The following ERICH1 variants were observed in gnomAD, a reference collection of about 807,000 sequenced individuals.
The protein encoded by ERICH1 is glutamate-rich protein 1.
A neutral mutation model predicts 39.6 loss-of-function variants in ERICH1; 56 were observed. The ratio of observed to expected loss-of-function variants is 1.41; its 90% confidence interval spans 1.14 to 1.77. The LOEUF (loss-of-function observed/expected upper bound fraction) is 1.77, where lower values mean the gene tolerates loss of function less well. Ranked by LOEUF, ERICH1 falls within the 40% of genes most tolerant of loss-of-function variation. The probability of loss-of-function intolerance (pLI) is 0.00; values close to 1 mark genes in which losing one functional copy is unlikely to be tolerated. For synonymous variants in ERICH1, 313 were observed against 223.6 expected, an observed-to-expected ratio of 1.40 and a Z score of -3.57; for missense variants, 826 against 575.4, an observed-to-expected ratio of 1.44 and a Z score of -4.45.
At chr8:622,771 A>G (rs535111952) in intron 3 of ERICH1, among the ~76,000 whole-genome samples, 1 of 152,110 alleles carries the variant, frequency 6.6e-6, no homozygotes, top group South Asian at 2.1e-4. Flanking sequence ...TTGGCAACAT[A>G]GTGAGACCGT....
intron 3 of ERICH1, among the ~76,000 whole-genome samples, chr8:622,983 T>TAAATAAATAAATAAATAAAA (rs1563161595): frequency 1.3e-5 from 2 of 151,160 alleles, no homozygotes; most frequent in East Asian, 1.9e-4. Flanking sequence ...AATAAATAAA[T>TAAATAAATAAATAAATAAAA]AAAACATCAA....
intron 1 of ERICH1, among the ~76,000 whole-genome samples, chr8:716,435 G>A (rs970355841): frequency 2.6e-5 from 4 of 152,250 alleles, no homozygotes; most frequent in African/African-American, 7.2e-5. Context: ...TGAGTGAATG[G>A]AGCAGGTCTG....
intron 5 of ERICH1, among the ~76,000 whole-genome samples, chr8:665,233 C>T (rs1362674693): frequency 6.6e-6 from 1 of 152,192 alleles, no homozygotes; most frequent in Non-Finnish European, 1.5e-5. Context: ...ACGGCAGGGA[C>T]ATGGCTCCGA....
rs559567912 is a variant in ERICH1 at position 664,753 on chromosome 8, C to T, written c.1259-77G>A. On this transcript the variant is annotated intron_variant, in intron 5 of 5. Coordinates refer to ENST00000262109, the MANE Select transcript of ERICH1 (RefSeq NM_207332.3). ...ATCATAAGTTATTATTATGTAGACA[C>T]GAGCCTTTGGGCCCAAAGTGAACTC... The T allele has an allele frequency of 5.2e-5, 66 of 1,259,520 alleles. No individual in the cohort carries two copies. In the African/African-American group the frequency reaches 8.5e-4, roughly 16 times the overall value. The allele number at this position is 1,259,520 out of a possible 1,614,324, so 78.0% of individuals were successfully genotyped here. A position where few individuals can be genotyped will look rare whatever the true frequency, so the allele number is the denominator to read the frequency against.
At position 664,592 on chromosome 8, in the gene ERICH1, G is replaced by C. The variant is rs186841311; in HGVS notation, c.*11C>G. 340 of 1,604,124 alleles carry C rather than the reference G, an allele frequency of 2.1e-4. 1 individual carries two copies. The African/African-American group carries it at 4.1e-3, about 19-fold the overall frequency. On this transcript the variant is annotated 3_prime_UTR_variant, in exon 6 of 6. Coordinates refer to ENST00000262109, the MANE Select transcript of ERICH1 (RefSeq NM_207332.3). Reference sequence around the variant, plus strand: ...GTTAAAGAGGAGCTGTTCTTAAAGAGATATTCCATTTTAGTCACTGCTCTT... The same window carrying C: ...GTTAAAGAGGAGCTGTTCTTAAAGACATATTCCATTTTAGTCACTGCTCTT...
intron 3 of ERICH1, chr8:625,767 G>C (rs561351936): frequency 6.6e-5 from 10 of 152,212 alleles, no homozygotes; most frequent in Non-Finnish European, 1.3e-4. Context: ...TGTCTCAAGT[G>C]TTCCGTCGTT....
At chr8:718,309 G>A (rs1050407214) in intron 1 of ERICH1, among the ~76,000 whole-genome samples, 2 of 152,090 alleles carry the variant, frequency 1.3e-5, no homozygotes, top group Non-Finnish European at 2.9e-5. Context: ...CCCAGGTCAC[G>A]GTCTTTCAAG....
chr8:668,569 G>C (rs1203570010), intron 5 of ERICH1, 29 bp downstream of exon 5: 1 of 1,613,284 alleles, frequency 6.2e-7, no homozygotes, highest in Non-Finnish European at 8.5e-7. Flanking sequence ...ATCTTAAGCA[G>C]GACCTTGAAT....
intron 5 of ERICH1, 108 bp downstream of exon 5, chr8:668,490 G>A: frequency 9.1e-7 from 1 of 1,104,478 alleles, no homozygotes. Flanking sequence ...TATGTGCAGT[G>A]TCATATTTTC....
chr8:727,607 T>G (rs1045338537), intron 1 of ERICH1, among the ~76,000 whole-genome samples: 1 of 152,182 alleles, frequency 6.6e-6, no homozygotes, highest in Non-Finnish European at 1.5e-5. Flanking sequence ...AAGAATGGAT[T>G]CTTATTAAAA....
At chr8:658,567 C>T (rs369616175) in intron 3 of ERICH1, among the ~76,000 whole-genome samples, 19 of 152,306 alleles carry the variant, frequency 1.2e-4, no homozygotes, top group African/African-American at 3.6e-4. Flanking sequence ...GAACTATCCG[C>T]GGCCCACGTC....
chr8:691,997 C>T lies in ERICH1; in HGVS notation c.304+481G>A, dbSNP rs141176818. Among the ~76,000 whole-genome samples, 600 of 152,258 alleles carry T rather than the reference C, an allele frequency of 3.9e-3. 8 individuals carry two copies. The highest frequency in any genetic ancestry group is 0.013 in the African/African-American group (523 of 41,550). ...AGAGAATATTGTATATTCTTTCATT[C>T]GTACGACATGCAACAACAATAGGAA... On this transcript the variant is annotated intron_variant, in intron 3 of 5. Coordinates refer to ENST00000262109, the MANE Select transcript of ERICH1 (RefSeq NM_207332.3).
intron 3 of ERICH1, among the ~76,000 whole-genome samples, chr8:642,789 G>A (rs1175355297): frequency 3.9e-5 from 6 of 152,136 alleles, no homozygotes; most frequent in Admixed American, 2.0e-4. Flanking sequence ...GTGTGAGTGA[G>A]CCGATGTGTG....
intron 3 of ERICH1, among the ~76,000 whole-genome samples, chr8:624,717 T>C (rs1452575060): frequency 6.6e-6 from 1 of 151,366 alleles, no homozygotes; most frequent in Non-Finnish European, 1.5e-5. Flanking sequence ...TTTTATATTT[T>C]TTATTTTTAT....
chr8:720,174 A>G (rs985546246), intron 1 of ERICH1, among the ~76,000 whole-genome samples: 2 of 152,248 alleles, frequency 1.3e-5, no homozygotes, highest in African/African-American at 4.8e-5. Context: ...AATGTCCTGG[A>G]CACCCTCAAA....
chr8:633,033 G>T (rs534662564), intron 3 of ERICH1, among the ~76,000 whole-genome samples: 2 of 152,324 alleles, frequency 1.3e-5, no homozygotes, highest in African/African-American at 4.8e-5. Flanking sequence ...GACGCTGCTG[G>T]TGGCCTGAGA....
rs1563213001 is a variant in ERICH1, at chr8:668,768, GCT to G, written c.1086_1087del (p.Ala363CysfsTer7). On this transcript the variant is annotated frameshift_variant, in exon 5 of 6. Transcript: ENST00000262109. LOFTEE classifies it high-confidence loss of function. ...CTCCTCAGCGGCATCTGCGAGGGCA[GCT>G]GAAGCTGCATCTCTGGAGACACCTA... 1.2e-5 allele frequency: 19 copies of G among 1,610,932 alleles called. No homozygotes were observed. Among genetic ancestry groups the G allele is most frequent in the Non-Finnish European group, 1.6e-5 (19 of 1,178,210 alleles).
At chr8:619,879 G>C (rs951470995) in intron 3 of ERICH1, among the ~76,000 whole-genome samples, 8 of 152,092 alleles carry the variant, frequency 5.3e-5, no homozygotes, top group African/African-American at 1.9e-4. Flanking sequence ...GATGTACATT[G>C]TAAGCTCCAG....
intron 1 of ERICH1, among the ~76,000 whole-genome samples, chr8:721,251 T>G (rs569661562): frequency 6.6e-6 from 1 of 152,312 alleles, no homozygotes; most frequent in Admixed American, 6.5e-5. Context: ...TAATAAAGTA[T>G]TTTTTAAAAA....
Sources: allele counts gnomAD v4.1 joint callset (sites outside exome capture counted in the v4.1 genomes callset), GRCh38; gene constraint gnomAD v4.1.1; transcripts MANE v1.5; gene names NCBI Gene and HGNC (gene_info 2026-07-23, HGNC 2026-07-21).